IMMP2L: variants seen among roughly 807,000 people sequenced by gnomAD.
IMMP2L encodes inner mitochondrial membrane peptidase subunit 2, also known as mitochondrial inner membrane protease subunit 2.
A neutral mutation model predicts 19.3 loss-of-function variants in IMMP2L; 18 were observed. The ratio of observed to expected loss-of-function variants is 0.93; its 90% CI spans 0.64 to 1.38. The LOEUF is 1.38. Among genes scored for constraint, IMMP2L ranks in the 40% most tolerant of loss-of-function variants. IMMP2L has a pLI of 0.00. For synonymous variants in IMMP2L, 76 were observed against 73.0 expected (o/e 1.04, Z -0.21); for missense variants, 233 against 218.2 (o/e 1.07, Z -0.43).
intron 3 of IMMP2L, among the ~76,000 whole-genome samples, chr7:111,309,156 A>G (rs1485121961): frequency 1.3e-5 from 2 of 152,154 alleles, no homozygotes; most frequent in Non-Finnish European, 2.9e-5. Context: ...AAAAATAAGA[A>G]GACATTATTT....
intron 5 of IMMP2L, among the ~76,000 whole-genome samples, chr7:110,837,784 T>C (rs1013936724): frequency 6.6e-6 from 1 of 152,126 alleles, no homozygotes; most frequent in African/African-American, 2.4e-5. Flanking sequence ...TGAAAGTGTA[T>C]TTCTGAATGA....
intron 3 of IMMP2L, among the ~76,000 whole-genome samples, chr7:111,282,262 A>G (rs1258101553): frequency 6.6e-6 from 1 of 152,212 alleles, no homozygotes; most frequent in Non-Finnish European, 1.5e-5. Context: ...AACTGGTTAA[A>G]CAAATTTTTT....
At chr7:110,943,236 A>G (rs1816911674) in intron 4 of IMMP2L, among the ~76,000 whole-genome samples, 1 of 151,982 alleles carries the variant, frequency 6.6e-6, no homozygotes, top group South Asian at 2.1e-4. Flanking sequence ...CAGCTCCTTG[A>G]AAAGAGAGTT....
intron 5 of IMMP2L, among the ~76,000 whole-genome samples, chr7:110,693,949 A>G (rs1305844719): frequency 6.6e-6 from 1 of 152,104 alleles, no homozygotes; most frequent in African/African-American, 2.4e-5. Flanking sequence ...TGTGTTGGTG[A>G]TGGATGCTTC....
intron 3 of IMMP2L, among the ~76,000 whole-genome samples, chr7:111,113,826 G>T (rs1210990415): frequency 6.6e-6 from 1 of 152,036 alleles, no homozygotes; most frequent in African/African-American, 2.4e-5. Context: ...ATAAAAGGAT[G>T]ACATCATTTA....
At chr7:111,545,321 T>C (rs979918686) in intron 1 of IMMP2L, among the ~76,000 whole-genome samples, 1 of 152,172 alleles carries the variant, frequency 6.6e-6, no homozygotes, top group Non-Finnish European at 1.5e-5. Context: ...TGGCCATTTG[T>C]ATATTTTCTT....
At chr7:111,360,980 A>G (rs1829205899) in intron 3 of IMMP2L, among the ~76,000 whole-genome samples, 1 of 151,984 alleles carries the variant, frequency 6.6e-6, no homozygotes, top group Non-Finnish European at 1.5e-5. Context: ...AATTTTCTCA[A>G]TCTTAATTTC....
intron 3 of IMMP2L, among the ~76,000 whole-genome samples, chr7:111,375,328 G>T (rs1830591983): frequency 6.6e-6 from 1 of 151,972 alleles, no homozygotes; most frequent in South Asian, 2.1e-4. Context: ...AAAAAAAGTG[G>T]TTTTTAATCC....
At chr7:111,403,596 A>AG (rs1244382533) in intron 3 of IMMP2L, among the ~76,000 whole-genome samples, 5 of 152,116 alleles carry the variant, frequency 3.3e-5, no homozygotes, top group Non-Finnish European at 7.4e-5. Context: ...TTTTGTTTAA[A>AG]GGGGGTCAAT....
At chr7:111,450,912 C>A (rs988829275) in intron 3 of IMMP2L, among the ~76,000 whole-genome samples, 1 of 151,798 alleles carries the variant, frequency 6.6e-6, no homozygotes, top group African/African-American at 2.4e-5. Context: ...CATGAACAGG[C>A]ACTTCTCAAA....
intron 3 of IMMP2L, among the ~76,000 whole-genome samples, chr7:111,118,735 A>C (rs1406534662): frequency 6.6e-6 from 1 of 152,128 alleles, no homozygotes; most frequent in East Asian, 1.9e-4. Context: ...GAAATATCAT[A>C]ATCATTTCCA....
chr7:110,796,822 T>C (rs1213543106), intron 5 of IMMP2L, among the ~76,000 whole-genome samples: 2 of 152,072 alleles, frequency 1.3e-5, no homozygotes, highest in Non-Finnish European at 2.9e-5. Context: ...CAAGGATATC[T>C]ACAAGGTGTT....
At chr7:111,495,153 A>C (rs1384540618) in intron 2 of IMMP2L, among the ~76,000 whole-genome samples, 1 of 152,142 alleles carries the variant, frequency 6.6e-6, no homozygotes, top group African/African-American at 2.4e-5. Flanking sequence ...GATATATATA[A>C]AAACATATGC....
chr7:111,223,501 T>A (rs1812745339), intron 3 of IMMP2L, among the ~76,000 whole-genome samples: 1 of 152,130 alleles, frequency 6.6e-6, no homozygotes, highest in Non-Finnish European at 1.5e-5. Context: ...AATGTTTAAT[T>A]AATTGTTATA....
chr7:111,040,954 T>G (rs1470951786), intron 3 of IMMP2L, among the ~76,000 whole-genome samples: 1 of 151,998 alleles, frequency 6.6e-6, no homozygotes, highest in African/African-American at 2.4e-5. Context: ...TGCTATTACT[T>G]GGCTCAAATA....
intron 1 of IMMP2L, among the ~76,000 whole-genome samples, chr7:111,523,056 A>G (rs185614111): frequency 1.3e-5 from 2 of 151,984 alleles, no homozygotes; most frequent in Admixed American, 1.3e-4. Flanking sequence ...CCACTCATAT[A>G]TAGAATCTAA....
At chr7:110,941,968 C>T (rs182510685) in intron 4 of IMMP2L, among the ~76,000 whole-genome samples, 1 of 151,716 alleles carries the variant, frequency 6.6e-6, no homozygotes, top group African/African-American at 2.4e-5. Context: ...AAATCATACC[C>T]TAGTTAAAGG....
chr7:111,143,276 T>C (rs1160386135), intron 3 of IMMP2L, among the ~76,000 whole-genome samples: 1 of 152,154 alleles, frequency 6.6e-6, no homozygotes, highest in South Asian at 2.1e-4. Context: ...TAAGAAGTAA[T>C]TTAATTTTCT....
At chr7:111,111,657 GT>G (rs1799216406) in intron 3 of IMMP2L, among the ~76,000 whole-genome samples, 1 of 151,896 alleles carries the variant, frequency 6.6e-6, no homozygotes, top group Non-Finnish European at 1.5e-5. Context: ...ATCAACTAAT[GT>G]CCCCCCCTGC....
Sources: gnomAD v4.1 joint callset for allele counts (sites outside exome capture counted in the v4.1 genomes callset) on GRCh38, gnomAD v4.1.1 for gene constraint, MANE v1.5 for transcripts, NCBI Gene and HGNC (gene_info 2026-07-23, HGNC 2026-07-21) for gene names.